The following EYS variants were observed in gnomAD, a reference collection of about 807,000 sequenced individuals.
EYS encodes EGF-like photoreceptor maintenance factor.
A neutral mutation model predicts 282.1 loss-of-function variants in EYS; 250 were observed. The observed-to-expected ratio is 0.89, with a 90% CI of 0.80 to 0.98. EYS has a LOEUF of 0.98. EYS is among the 50% of genes least tolerant of loss of function. The pLI, the probability that EYS is intolerant of heterozygous loss-of-function variation, is 0.00. For synonymous variants in EYS, 1,355 were observed against 1,282.9 expected (o/e 1.06, Z -1.20); for missense variants, 4,016 against 3,709.0 (o/e 1.08, Z -2.15).
chr6:65,203,194 G>T (rs1296659647), intron 12 of EYS, among the ~76,000 whole-genome samples: 1 of 152,122 alleles, frequency 6.6e-6, no homozygotes, highest in African/African-American at 2.4e-5. Context: ...AGGTCAAACT[G>T]CATGGCCCAT....
chr6:64,090,955 T>C (rs1772337293), intron 31 of EYS, among the ~76,000 whole-genome samples: 1 of 152,186 alleles, frequency 6.6e-6, no homozygotes, highest in African/African-American at 2.4e-5. Flanking sequence ...GAATTTATTC[T>C]GTTTAAAGAG....
chr6:64,569,213 T>A (rs2149816187), intron 26 of EYS, among the ~76,000 whole-genome samples: 1 of 151,856 alleles, frequency 6.6e-6, no homozygotes, highest in East Asian at 2.0e-4. Flanking sequence ...AGGAGCATAT[T>A]CTAACCCAAT....
intron 28 of EYS, among the ~76,000 whole-genome samples, chr6:64,391,137 A>C (rs543281721): frequency 6.6e-6 from 1 of 152,334 alleles, no homozygotes; most frequent in African/African-American, 2.4e-5. Context: ...AAAAGACCAA[A>C]TCTACGACTG....
Position 64,790,080 on chromosome 6 carries a change from T to C in EYS, c.3443+23298A>G, listed in dbSNP as rs1774143551. The stretch of plus-strand genomic sequence containing the variant: ...TTGATTTTCTCACTAGATTTGTTTT[T>C]TAAGAAAACGTTTATTTGCTGGAAG... On this transcript the variant is annotated intron_variant, in intron 22 of 42. Coordinates refer to ENST00000503581, the MANE Select transcript of EYS (RefSeq NM_001142800.2). Among the ~76,000 whole-genome samples, 3 of 152,114 alleles carry C rather than the reference T, an allele frequency of 2.0e-5. No individual in the cohort carries two copies. The South Asian group carries it at 6.2e-4, about 32-fold the overall frequency.
intron 36 of EYS, among the ~76,000 whole-genome samples, chr6:63,851,084 T>G (rs752002158): frequency 6.6e-6 from 1 of 152,202 alleles, no homozygotes; most frequent in South Asian, 2.1e-4. Flanking sequence ...AAGAAGGGCA[T>G]TACATAATGT....
At chr6:64,570,759 A>G (rs1765699524) in intron 26 of EYS, among the ~76,000 whole-genome samples, 1 of 152,194 alleles carries the variant, frequency 6.6e-6, no homozygotes, top group Admixed American at 6.5e-5. Flanking sequence ...TATACACCCA[A>G]TACAGGAGCA....
chr6:63,748,183 T>G (rs1468539797), intron 41 of EYS, among the ~76,000 whole-genome samples: 1 of 152,060 alleles, frequency 6.6e-6, no homozygotes, highest in Admixed American at 6.6e-5. Flanking sequence ...TGGACAAAAG[T>G]CATCTGTGGA....
intron 30 of EYS, among the ~76,000 whole-genome samples, chr6:64,249,618 A>T (rs1691790757): frequency 6.6e-6 from 1 of 152,090 alleles, no homozygotes; most frequent in Non-Finnish European, 1.5e-5. Context: ...CAAGAGAGAA[A>T]TTTTTCCAGG....
At chr6:65,337,884 A>T (rs912822468) in intron 10 of EYS, among the ~76,000 whole-genome samples, 3 of 150,950 alleles carry the variant, frequency 2.0e-5, no homozygotes, top group Non-Finnish European at 4.5e-5. Context: ...ATATTTTAAC[A>T]AGGAATATTA....
chr6:65,059,756 A>C (rs115917919), intron 12 of EYS, among the ~76,000 whole-genome samples: 1 of 152,140 alleles, frequency 6.6e-6, no homozygotes, highest in Non-Finnish European at 1.5e-5. Context: ...AAACCTGTTT[A>C]AGTTTAGTCA....
intron 37 of EYS, among the ~76,000 whole-genome samples, chr6:63,791,193 A>G (rs1770500835): frequency 6.6e-6 from 1 of 152,224 alleles, no homozygotes; most frequent in Admixed American, 6.5e-5. Flanking sequence ...ATGAAAAAAG[A>G]GGATACAGTG....
chr6:63,897,425 GAGATTACCC>G (rs894892757), intron 35 of EYS, among the ~76,000 whole-genome samples: 62 of 152,258 alleles, frequency 4.1e-4, no homozygotes, highest in African/African-American at 1.4e-3. Flanking sequence ...GAGAGACAGA[GAGATTACCC>G]AGACTGAAGA....
At chr6:65,341,125 T>C (rs1359808561) in intron 10 of EYS, among the ~76,000 whole-genome samples, 1 of 151,126 alleles carries the variant, frequency 6.6e-6, no homozygotes, top group East Asian at 1.9e-4. Context: ...AAAGCGTGGG[T>C]TCTATAAGTA....
At chr6:64,321,433 T>C (rs149999808) in intron 29 of EYS, among the ~76,000 whole-genome samples, 19 of 151,974 alleles carry the variant, frequency 1.3e-4, no homozygotes, top group East Asian at 3.9e-4. Context: ...ATAAGGCTGA[T>C]GTAATTTAGT....
chr6:64,479,799 A>G (rs1477604897), intron 26 of EYS, among the ~76,000 whole-genome samples: 4 of 151,932 alleles, frequency 2.6e-5, no homozygotes, highest in Non-Finnish European at 5.9e-5. Context: ...GTAGCAAAAA[A>G]CACCCAAATC....
Position 65,295,862 on chromosome 6 carries a change from C to G in EYS, c.2023+1G>C. ...AATTTATCAGGAAAAAAAAAACTTGCCTTTAAATCCTGGGACACACTTGCG... is the reference window on the plus strand; with the variant it reads ...AATTTATCAGGAAAAAAAAAACTTGGCTTTAAATCCTGGGACACACTTGCG... On this transcript the variant is annotated splice_donor_variant, in intron 12 of 42. Transcript: ENST00000503581. LOFTEE classifies it high-confidence loss of function. 6.5e-7 allele frequency: 1 copy of G among 1,528,800 alleles called. No individual in the cohort carries two copies. The highest frequency in any genetic ancestry group is 8.8e-7 in the Non-Finnish European group (1 of 1,139,696). The allele number at this position is 1,528,800 out of a possible 1,614,324, so 94.7% of individuals were successfully genotyped here. A position where few individuals can be genotyped will look rare whatever the true frequency, so the allele number is the denominator to read the frequency against.
intron 2 of EYS, among the ~76,000 whole-genome samples, chr6:65,629,631 A>C (rs1333233607): frequency 2.6e-5 from 4 of 152,070 alleles, no homozygotes; most frequent in African/African-American, 9.7e-5. Context: ...CAATCTCCAC[A>C]CATCAGTCCA....
intron 7 of EYS, among the ~76,000 whole-genome samples, chr6:65,395,191 G>A (rs535152730): frequency 6.6e-6 from 1 of 152,262 alleles, no homozygotes; most frequent in East Asian, 1.9e-4. Flanking sequence ...AGCCTCCCAA[G>A]TAGCTAGGAT....
chr6:64,246,669 T>TA (rs1467404551), intron 30 of EYS, among the ~76,000 whole-genome samples: 1 of 152,184 alleles, frequency 6.6e-6, no homozygotes, highest in Non-Finnish European at 1.5e-5. Context: ...AATGAACACT[T>TA]ACCATAGTTC....
Sources: allele counts gnomAD v4.1 joint callset (sites outside exome capture counted in the v4.1 genomes callset), GRCh38; gene constraint gnomAD v4.1.1; transcripts MANE v1.5; gene names NCBI Gene and HGNC (gene_info 2026-07-23, HGNC 2026-07-21).